Variants in AVEN observed in about 807,000 individuals in gnomAD.
AVEN encodes cell death regulator Aven.
AVEN carries 41 observed loss-of-function variants against 38.1 expected under a neutral mutation model. That is an observed-to-expected ratio of 1.08 (90% CI 0.84 to 1.40). The LOEUF (loss-of-function observed/expected upper bound fraction) is 1.40. AVEN is among the 40% of genes most tolerant of loss of function. AVEN has a pLI of 0.00. For synonymous variants in AVEN, 206 were observed against 171.8 expected (o/e 1.20, Z -1.56); for missense variants, 605 against 438.8 (o/e 1.38, Z -3.38).
intron 2 of AVEN, among the ~76,000 whole-genome samples, chr15:33,994,173 C>T (rs766436058): frequency 5.9e-5 from 9 of 152,188 alleles, no homozygotes; most frequent in Non-Finnish European, 1.3e-4. Flanking sequence ...CTATTTACAG[C>T]CACTCCCTAC....
At chr15:33,962,919 CAAAAAAAAAAAAAAAAAAAAAAAAA>C (rs57807791) in intron 2 of AVEN, among the ~76,000 whole-genome samples, 9 of 81,924 alleles carry the variant, frequency 1.1e-4, no homozygotes, top group African/African-American at 4.9e-4. Flanking sequence ...AACTCGTTCT[CAAAAAAAAAAAAAAAAAAAAAAAAA>C]AAAAAAAAAA....
chr15:34,009,272 A>C (rs913446524), intron 1 of AVEN, among the ~76,000 whole-genome samples: 10 of 152,232 alleles, frequency 6.6e-5, no homozygotes, highest in African/African-American at 2.4e-4. Flanking sequence ...AAGTTCTTCA[A>C]ACTAAAAACA....
At chr15:33,977,311 G>T (rs1359109305) in intron 2 of AVEN, among the ~76,000 whole-genome samples, 2 of 152,138 alleles carry the variant, frequency 1.3e-5, no homozygotes, top group Non-Finnish European at 2.9e-5. Context: ...ATATTGGTAG[G>T]ATAGAAAGAT....
At chr15:33,927,995 T>A (rs1057463570) in intron 2 of AVEN, among the ~76,000 whole-genome samples, 22 of 152,354 alleles carry the variant, frequency 1.4e-4, no homozygotes, top group African/African-American at 5.3e-4. Flanking sequence ...TGTGTCCTAC[T>A]ATGCCTGGTG....
chr15:33,898,030 A>C (rs1222969574), intron 2 of AVEN, among the ~76,000 whole-genome samples: 1 of 152,132 alleles, frequency 6.6e-6, no homozygotes, highest in Non-Finnish European at 1.5e-5. Flanking sequence ...TCTACTAAAA[A>C]TACAAAAAAT....
rs766300982 is a variant in AVEN at position 33,870,994 on chromosome 15, G to A, written c.553C>T (p.Arg185Ter). The A allele has an allele frequency of 1.2e-5, 20 of 1,608,936 alleles. No individual in the cohort carries two copies. Among genetic ancestry groups the A allele is most frequent in the South Asian group, 3.3e-5 (3 of 90,298 alleles). ...CAGAGAGGCAGCTCTTGAAGGGCTC[G>A]AACCAATAACTCACTATCCACATAA... ...AFYVDSELLV[R>*]ALQELPLCLR... Residue 185 changes from arginine to a stop codon, truncating the protein, a stop_gained, in exon 4 of 6, where the codon CGA becomes TGA. Coordinates refer to ENST00000306730, the MANE Select transcript of AVEN (RefSeq NM_020371.3). LOFTEE classifies it high-confidence loss of function.
chr15:33,948,597 C>T (rs957005942), intron 2 of AVEN, among the ~76,000 whole-genome samples: 5 of 152,088 alleles, frequency 3.3e-5, no homozygotes, highest in South Asian at 4.1e-4. Context: ...GTGTCACTCA[C>T]GAACACTACA....
At chr15:33,896,502 T>A (rs1287677273) in intron 2 of AVEN, among the ~76,000 whole-genome samples, 4 of 152,192 alleles carry the variant, frequency 2.6e-5, no homozygotes, top group African/African-American at 2.4e-5. Flanking sequence ...TACTTGTCCA[T>A]CCAGTGGTGT....
intron 2 of AVEN, among the ~76,000 whole-genome samples, chr15:33,982,134 T>C (rs1349458650): frequency 6.6e-6 from 1 of 152,130 alleles, no homozygotes; most frequent in East Asian, 1.9e-4. Context: ...CCCAAAGTGC[T>C]GGGATTACAG....
chr15:33,933,601 G>A (rs1294195122), intron 2 of AVEN, among the ~76,000 whole-genome samples: 2 of 145,230 alleles, frequency 1.4e-5, no homozygotes, highest in Non-Finnish European at 3.0e-5. Context: ...TCCTCCATTG[G>A]AGCTCCAGTC....
chr15:33,958,315 C>A (rs1895033111), intron 2 of AVEN, among the ~76,000 whole-genome samples: 1 of 152,190 alleles, frequency 6.6e-6, no homozygotes, highest in Non-Finnish European at 1.5e-5. Flanking sequence ...CACTGTGGCT[C>A]ACGCCTGCAG....
At chr15:33,989,739 A>G (rs1896636937) in intron 2 of AVEN, among the ~76,000 whole-genome samples, 1 of 152,124 alleles carries the variant, frequency 6.6e-6, no homozygotes, top group South Asian at 2.1e-4. Context: ...AAGAGAATTT[A>G]TCAACTTCCA....
In AVEN at chr15:33,891,739, A is replaced by G. The variant is rs528662314; in HGVS notation, c.446-15744T>C. On this transcript the variant is annotated intron_variant, in intron 2 of 5. Transcript: ENST00000306730. ...GAATGATTTATAATCCTTTGGGTAT[A>G]TACCCAGTAGTGGGATGGCTGGGTC... Among the ~76,000 whole-genome samples the G allele has an allele frequency of 5.6e-4, 85 of 152,336 alleles. 1 individual carries two copies. Among genetic ancestry groups the G allele is most frequent in the Admixed American group, 2.4e-3 (37 of 15,302 alleles).
chr15:34,065,647 A>G (rs1900490802), intron 4 of AVEN: 1 of 152,190 alleles, frequency 6.6e-6, no homozygotes, highest in Non-Finnish European at 1.5e-5. Context: ...GTAATACATA[A>G]AAATAAAACA....
At chr15:33,918,134 A>G (rs999642531) in intron 2 of AVEN, among the ~76,000 whole-genome samples, 1 of 152,214 alleles carries the variant, frequency 6.6e-6, no homozygotes, top group Admixed American at 6.5e-5. Context: ...ATATGCAACA[A>G]AGACAAAAAT....
intron 2 of AVEN, among the ~76,000 whole-genome samples, chr15:33,882,560 T>TAA (rs1891533550): frequency 4.4e-5 from 2 of 44,962 alleles, no homozygotes; most frequent in East Asian, 7.2e-4. Context: ...AGCAAAAATG[T>TAA]TAAAAAAAAA....
intron 2 of AVEN, among the ~76,000 whole-genome samples, chr15:33,999,472 T>C (rs1897057507): frequency 6.6e-6 from 1 of 152,190 alleles, no homozygotes; most frequent in African/African-American, 2.4e-5. Flanking sequence ...GGTATCAAAG[T>C]GACATCTCAC....
At chr15:33,854,361 A>G (rs41279242), downstream of AVEN, 21 of 1,541,296 alleles carry the variant, frequency 1.4e-5, no homozygotes, top group Non-Finnish European at 1.8e-5. Flanking sequence ...GACATTTATA[A>G]GTTTTAAAAT....
chr15:34,017,352 G>A (rs938130150), intron 1 of AVEN, among the ~76,000 whole-genome samples: 1 of 151,792 alleles, frequency 6.6e-6, no homozygotes, highest in Admixed American at 6.6e-5. Flanking sequence ...ATTCCCCAAA[G>A]AATGACATTT....
Sources: gnomAD v4.1 joint callset for allele counts (sites outside exome capture counted in the v4.1 genomes callset) on GRCh38, gnomAD v4.1.1 for gene constraint, MANE v1.5 for transcripts, NCBI Gene and HGNC (gene_info 2026-07-23, HGNC 2026-07-21) for gene names.